Variants in ZFHX3 observed in about 807,000 individuals in gnomAD.
ZFHX3 encodes the protein zinc finger homeobox 3.
Under a neutral mutation model 279.1 loss-of-function variants are expected in ZFHX3, and 42 were observed. The observed-to-expected ratio is 0.15, with a 90% CI of 0.12 to 0.19. The LOEUF (loss-of-function observed/expected upper bound fraction) is 0.19. Ranked by LOEUF, ZFHX3 falls within the 10% of genes least tolerant of loss-of-function variation. ZFHX3 has a pLI of 1.00. For synonymous variants in ZFHX3, 2,293 were observed against 1,957.8 expected (o/e 1.17, Z -4.52); for missense variants, 4,981 against 4,754.0 (o/e 1.05, Z -1.40).
intron 2 of ZFHX3, among the ~76,000 whole-genome samples, chr16:73,480,983 C>A (rs904550969): frequency 6.6e-6 from 1 of 152,132 alleles, no homozygotes; most frequent in South Asian, 2.1e-4. Context: ...GTCAAGGACT[C>A]GGTCTCGGCA....
chr16:73,725,542 T>A (rs1212833918), intron 1 of ZFHX3, among the ~76,000 whole-genome samples: 3 of 128,174 alleles, frequency 2.3e-5, no homozygotes, highest in African/African-American at 9.7e-5. Flanking sequence ...TGTGAGTGAG[T>A]GTGTGTGTGT....
chr16:73,516,908 T>C (rs2019531742), intron 2 of ZFHX3, among the ~76,000 whole-genome samples: 3 of 152,242 alleles, frequency 2.0e-5, no homozygotes, highest in Non-Finnish European at 4.4e-5. Context: ...TCAATGTCTG[T>C]CATTTCTTTC....
At chr16:73,735,348 G>A (rs369723662) in intron 1 of ZFHX3, among the ~76,000 whole-genome samples, 212 of 145,278 alleles carry the variant, frequency 1.5e-3, no homozygotes, top group African/African-American at 5.2e-3. Context: ...AATCTCCAAC[G>A]GAAATCCAAT....
chr16:73,891,028 C>T (rs923847225), intron 1 of ZFHX3, among the ~76,000 whole-genome samples: 6 of 150,512 alleles, frequency 4.0e-5, no homozygotes, highest in South Asian at 2.1e-4. Context: ...CGCTCCCCCC[C>T]TCCACCTCAC....
chr16:73,170,741 G>A (rs1967501280), intron 5 of ZFHX3, among the ~76,000 whole-genome samples: 1 of 152,122 alleles, frequency 6.6e-6, no homozygotes. Flanking sequence ...GAATGACCTC[G>A]GGATCTTCCT....
At chr16:73,413,228 A>G (rs2017504687) in intron 3 of ZFHX3, among the ~76,000 whole-genome samples, 1 of 152,358 alleles carries the variant, frequency 6.6e-6, no homozygotes, top group South Asian at 2.1e-4. Flanking sequence ...CCTTGCCATC[A>G]ATGACGTGGG....
chr16:72,844,363 C>T (rs2037423762), intron 4 of ZFHX3, among the ~76,000 whole-genome samples: 1 of 152,182 alleles, frequency 6.6e-6, no homozygotes, highest in Non-Finnish European at 1.5e-5. Flanking sequence ...CTCCAGCATT[C>T]AGCTCCAATG....
chr16:73,246,125 C>CTT (rs945458410), intron 5 of ZFHX3, among the ~76,000 whole-genome samples: 18 of 152,146 alleles, frequency 1.2e-4, no homozygotes, highest in African/African-American at 4.3e-4. Flanking sequence ...AAGGGTGGCA[C>CTT]TTTGGCCAGA....
intron 3 of ZFHX3, among the ~76,000 whole-genome samples, chr16:73,439,731 T>A (rs975954233): frequency 6.6e-6 from 1 of 151,938 alleles, no homozygotes; most frequent in Non-Finnish European, 1.5e-5. Context: ...CTGCTTTGAT[T>A]TCTTTTTAGC....
rs762952753 is a variant in ZFHX3 at position 72,796,108 on chromosome 16, A to G, written c.6574T>C (p.Trp2192Arg). The G allele has an allele frequency of 6.2e-7, 1 of 1,614,182 alleles. No individual in the cohort carries two copies. Among genetic ancestry groups the G allele is most frequent in the Admixed American group, 1.7e-5 (1 of 60,028 alleles). ...SGLPQKVIKH[W>R]FRNTLFKERQ... ...TCTTTGAAGAGAGTGTTCCTGAACC[A>G]GTGCTTGATCACTTTCTGGGGCAAC... The change falls in exon 9 of 10, where the codon TGG becomes CGG. Residue 2192 changes from tryptophan to arginine, a missense_variant. This residue lies in a region of ZFHX3 where 177 missense variants were observed against 244.2 expected (regional missense o/e 0.72). Coordinates refer to ENST00000268489, the MANE Select transcript of ZFHX3 (RefSeq NM_006885.4).
At chr16:72,941,648 G>A (rs905968817) in intron 3 of ZFHX3, among the ~76,000 whole-genome samples, 13 of 148,100 alleles carry the variant, frequency 8.8e-5, no homozygotes, top group Admixed American at 2.7e-4. Flanking sequence ...GTGAGACCCT[G>A]TTTCTATTTT....
At chr16:73,230,976 G>T (rs192680166) in intron 5 of ZFHX3, among the ~76,000 whole-genome samples, 1 of 152,154 alleles carries the variant, frequency 6.6e-6, no homozygotes, top group Non-Finnish European at 1.5e-5. Flanking sequence ...CCCTTCTGTC[G>T]CCAGGCCAGG....
At chr16:73,670,783 G>A (rs1192876302) in intron 2 of ZFHX3, among the ~76,000 whole-genome samples, 1 of 152,124 alleles carries the variant, frequency 6.6e-6, no homozygotes, top group East Asian at 1.9e-4. Flanking sequence ...TGGGAATAAT[G>A]GTAAATATCA....
chr16:73,509,390 G>A (rs938516727), intron 2 of ZFHX3, among the ~76,000 whole-genome samples: 7 of 151,468 alleles, frequency 4.6e-5, no homozygotes, highest in African/African-American at 7.3e-5. Context: ...CAGGCCCTTC[G>A]ATGTCTCCTG....
At chr16:73,094,686 C>G (rs1372165340) in intron 7 of ZFHX3, 1 of 152,156 alleles carries the variant, frequency 6.6e-6, no homozygotes, top group African/African-American at 2.4e-5. Context: ...CTCCTTCCTC[C>G]TGTGAAGTGT....
chr16:73,245,684 TG>T (rs2013259919), intron 5 of ZFHX3, among the ~76,000 whole-genome samples: 1 of 152,198 alleles, frequency 6.6e-6, no homozygotes, highest in Admixed American at 6.5e-5. Context: ...GGTCCAGAGC[TG>T]GCCCCTACCT....
intron 5 of ZFHX3, among the ~76,000 whole-genome samples, chr16:73,209,889 C>A (rs976254883): frequency 1.3e-5 from 2 of 152,160 alleles, no homozygotes; most frequent in Non-Finnish European, 2.9e-5. Context: ...CCAGACCACA[C>A]GTTGAGAGCC....
intron 1 of ZFHX3, among the ~76,000 whole-genome samples, chr16:73,868,631 C>T (rs1393686781): frequency 3.3e-5 from 5 of 152,140 alleles, no homozygotes; most frequent in Non-Finnish European, 5.9e-5. Context: ...ACCATGTGAA[C>T]GCAAAACTTA....
At chr16:73,429,609 G>A (rs1439878249) in intron 3 of ZFHX3, among the ~76,000 whole-genome samples, 1 of 151,876 alleles carries the variant, frequency 6.6e-6, no homozygotes, top group African/African-American at 2.4e-5. Flanking sequence ...CTGGGATCAC[G>A]GGCATGAGCC....
Sources: allele counts gnomAD v4.1 joint callset (sites outside exome capture counted in the v4.1 genomes callset), GRCh38; gene constraint gnomAD v4.1.1; regional missense constraint gnomAD v4.1.1; transcripts MANE v1.5; gene names NCBI Gene and HGNC (gene_info 2026-07-23, HGNC 2026-07-21).